The following CCL24 variants were observed in gnomAD, a reference collection of about 807,000 sequenced individuals.
CCL24 encodes the protein C-C motif chemokine ligand 24, also known as C-C motif chemokine 24.
Under a neutral mutation model 8.6 loss-of-function variants are expected in CCL24, and 6 were observed. The ratio of observed to expected loss-of-function variants is 0.70; its 90% CI spans 0.38 to 1.38. CCL24 has a LOEUF of 1.38. CCL24 is among the 40% of genes most tolerant of loss of function. The probability of loss-of-function intolerance (pLI) is 0.02; values close to 1 mark genes in which losing one functional copy is unlikely to be tolerated. For synonymous variants in CCL24, 59 were observed against 52.7 expected, an observed-to-expected ratio of 1.12 and a Z score of -0.52; for missense variants, 126 against 147.1, an observed-to-expected ratio of 0.86 and a Z score of 0.74.
chr7:75,815,340 TAAAAAAAAA>T (rs781838332), upstream of CCL24, among the ~76,000 whole-genome samples: 1 of 128,358 alleles, frequency 7.8e-6, no homozygotes, highest in Non-Finnish European at 1.7e-5. Context: ...TCCTGTCTCT[TAAAAAAAAA>T]AAAAAAGAAA....
chr7:75,820,049 C>CTTCT lies in CCL24; in HGVS notation c.-60+3269_-60+3272dup, dbSNP rs1803997106. Among the ~76,000 whole-genome samples the CTTCT allele has an allele frequency of 2.2e-5, 3 of 139,000 alleles. No homozygotes were observed. In the Admixed American group the frequency reaches 2.4e-4, roughly 11 times the overall value. The allele number at this position is 139,000 out of a possible 152,430, so 91.2% of individuals were successfully genotyped here. ...TCTTCTTCTTCTTCTTCTTCTTCTT[C>CTTCT]TTCTTCTTCTTCTTCTTCTTCTTCT... On this transcript the variant is annotated intron_variant, in intron 1 of 3. Transcript: ENST00000416943.
upstream of CCL24, among the ~76,000 whole-genome samples, chr7:75,817,014 G>T (rs891727505): frequency 6.6e-6 from 1 of 151,718 alleles, no homozygotes; most frequent in Non-Finnish European, 1.5e-5. Context: ...ACAGGTGCAC[G>T]CCACCATGCC....
chr7:75,812,611 G>A (rs782203084), intron 2 of CCL24, among the ~76,000 whole-genome samples: 1 of 152,096 alleles, frequency 6.6e-6, no homozygotes, highest in Non-Finnish European at 1.5e-5. Context: ...ATAGTGACTT[G>A]TTATATATTT....
At chr7:75,820,067 CTT>C (rs1268307023) in intron 1 of CCL24, among the ~76,000 whole-genome samples, 1 of 135,560 alleles carries the variant, frequency 7.4e-6, no homozygotes, top group African/African-American at 2.6e-5. Context: ...TCTTCTTCTT[CTT>C]CTTCTTCTTC....
At chr7:75,821,023 A>G (rs1804040151) in intron 1 of CCL24, among the ~76,000 whole-genome samples, 1 of 152,166 alleles carries the variant, frequency 6.6e-6, no homozygotes, top group Non-Finnish European at 1.5e-5. Flanking sequence ...GAAAAACTAT[A>G]TACAGGTGTT....
chr7:75,815,766 T>A (rs548016709), upstream of CCL24, among the ~76,000 whole-genome samples: 29 of 152,274 alleles, frequency 1.9e-4, no homozygotes, highest in East Asian at 9.7e-4. Flanking sequence ...CACTCCCATG[T>A]GGCTGACTGC....
At chr7:75,812,843 T>C (rs1803798541) in intron 2 of CCL24, among the ~76,000 whole-genome samples, 1 of 151,942 alleles carries the variant, frequency 6.6e-6, no homozygotes, top group Non-Finnish European at 1.5e-5. Flanking sequence ...GGCATGAGAA[T>C]TGCTTGAACC....
Position 75,813,287 on chromosome 7 carries a change from G to T in CCL24, c.191+19C>A. The T allele has an allele frequency of 6.8e-7, 1 of 1,463,996 alleles. No homozygotes were observed. Among genetic ancestry groups the T allele is most frequent in the Non-Finnish European group, 9.6e-7 (1 of 1,045,432 alleles). 90.7% of individuals were successfully genotyped at this position (1,463,996 alleles called of 1,614,324 possible). ...TGCCCCCACCCCTCTCCTGCCACGT[G>T]CCCATGAAGGATACCTACATCACTC... On this transcript the variant is annotated intron_variant, in intron 2 of 2. Transcript: ENST00000222902.
Position 75,813,626 on chromosome 7 carries a change from C to A in CCL24, c.73+17G>T. On this transcript the variant is annotated intron_variant, in intron 1 of 2. Coordinates refer to ENST00000222902, the MANE Select transcript of CCL24 (RefSeq NM_002991.3). ...CCCAGCCATGCCCTTGGAACTGCAT[C>A]CTGTCGGAGGTCTTACCCGTAGGGA... 6.2e-7 allele frequency: 1 copy of A among 1,607,338 alleles called. No homozygotes were observed. The highest frequency in any genetic ancestry group is 8.5e-7 in the Non-Finnish European group (1 of 1,173,828).
At chr7:75,817,975 T>C (rs1002858983), upstream of CCL24, among the ~76,000 whole-genome samples, 1 of 151,930 alleles carries the variant, frequency 6.6e-6, no homozygotes, top group Admixed American at 6.6e-5. Context: ...GGATTACAGA[T>C]GCACACCACC....
At chr7:75,818,630 TAGAA>T (rs1381021147), upstream of CCL24, among the ~76,000 whole-genome samples, 46 of 131,876 alleles carry the variant, frequency 3.5e-4, no homozygotes, top group South Asian at 3.4e-3. Context: ...AAAAAAAAAT[TAGAA>T]AGAGGAAGAG....
In CCL24 at chr7:75,811,692, A is replaced by T; in HGVS notation, c.*104T>A. 1 of 1,026,340 alleles carries T rather than the reference A, an allele frequency of 9.7e-7. No individual in the cohort carries two copies. Among genetic ancestry groups the T allele is most frequent in the Non-Finnish European group, 1.4e-6 (1 of 705,266 alleles). The allele number at this position is 1,026,340 out of a possible 1,614,324, so 63.6% of individuals were successfully genotyped here. On this transcript the variant is annotated 3_prime_UTR_variant, in exon 3 of 3. Coordinates refer to ENST00000222902, the MANE Select transcript of CCL24 (RefSeq NM_002991.3). The stretch of plus-strand genomic sequence containing the variant: ...CATCCCTGGAGAGTGTTGCTAAGAA[A>T]CAGGAAAATTAGCTCTTCCCCCCAT...
At chr7:75,818,124 C>G (rs919888550), upstream of CCL24, among the ~76,000 whole-genome samples, 2 of 152,112 alleles carry the variant, frequency 1.3e-5, no homozygotes, top group Non-Finnish European at 1.5e-5. Context: ...AGCCACCTCA[C>G]CCAACCAAAA....
rs781862888 is a variant in CCL24, at chr7:75,813,721, A to G, written c.-6T>C. 6.2e-6 allele frequency: 10 copies of G among 1,613,092 alleles called. 1 individual carries two copies. In the South Asian group the frequency reaches 8.8e-5, roughly 14 times the overall value. On this transcript the variant is annotated 5_prime_UTR_variant, in exon 1 of 3. Transcript: ENST00000222902. ...ATGGTCATCAGGCCTGCCATGTCTC[A>G]GAGAGCAGAAGCACCAGCTCGGGGC...
chr7:75,820,097 CTT>C (rs1804005993), intron 1 of CCL24, among the ~76,000 whole-genome samples: 6 of 123,720 alleles, frequency 4.8e-5, no homozygotes, highest in African/African-American at 1.4e-4. Context: ...TCCTCTTCTT[CTT>C]CTTCTTCCTT....
At chr7:75,820,148 C>CCTTCTCCTT (rs1344848436) in intron 1 of CCL24, among the ~76,000 whole-genome samples, 17 of 98,214 alleles carry the variant, frequency 1.7e-4, no homozygotes, top group African/African-American at 5.4e-4. Context: ...TCCTCCTCCT[C>CCTTCTCCTT]CTCCTTCTCC....
chr7:75,817,263 C>T (rs890792280), upstream of CCL24, among the ~76,000 whole-genome samples: 4 of 151,866 alleles, frequency 2.6e-5, no homozygotes, highest in Non-Finnish European at 4.4e-5. Flanking sequence ...CAGTGGGTGC[C>T]GGGAGTGTGG....
rs782431043 is a variant in CCL24, at chr7:75,813,315, G to A, written c.182C>T (p.Ala61Val). The A allele has an allele frequency of 3.7e-6, 6 of 1,600,616 alleles. No individual in the cohort carries two copies. Among genetic ancestry groups the A allele is most frequent in the Admixed American group, 3.3e-5 (2 of 59,942 alleles). Residue 61 changes from alanine to valine, a missense_variant, in exon 2 of 3, where the codon GCA becomes GTA. Coordinates refer to ENST00000222902, the MANE Select transcript of CCL24 (RefSeq NM_002991.3). ...QLSSRSTCLK[A>V]GVIFTTKKGQ... ...CATGAAGGATACCTACATCACTCCT[G>A]CCTTGAGGCATGTGCTCCTGCTGGA...
At chr7:75,812,031 C>CG (rs1195079571) in intron 2 of CCL24, 67 bp from the exon 3 acceptor site, 33 of 1,393,024 alleles carry the variant, frequency 2.4e-5, no homozygotes, top group African/African-American at 5.8e-5. Flanking sequence ...CACTTCATGG[C>CG]GGGGGGGATG....
Sources: allele counts gnomAD v4.1 joint callset (sites outside exome capture counted in the v4.1 genomes callset), GRCh38; gene constraint gnomAD v4.1.1; transcripts MANE v1.5; gene names NCBI Gene and HGNC (gene_info 2026-07-23, HGNC 2026-07-21).